LGSN: variants seen among roughly 807,000 people sequenced by gnomAD.
The protein encoded by LGSN is lengsin, lens protein with glutamine synthetase domain.
Under a neutral mutation model 19.5 loss-of-function variants are expected in LGSN, and 21 were observed. The ratio of observed to expected loss-of-function variants is 1.07; its 90% CI spans 0.76 to 1.55. The LOEUF is 1.55. Ranked by LOEUF, LGSN falls within the 40% of genes most tolerant of loss-of-function variation. LGSN has a pLI of 0.00. For synonymous variants in LGSN, 257 were observed against 215.6 expected (o/e 1.19, Z -1.68); for missense variants, 673 against 608.5 (o/e 1.11, Z -1.12).
chr6:63,350,203 G>T, the LGSN span, among the ~76,000 whole-genome samples: 5 of 152,282 alleles, frequency 3.3e-5, no homozygotes, highest in African/African-American at 7.2e-5. Flanking sequence ...AAGAAAACTG[G>T]ATTTATAGAG....
the LGSN span, among the ~76,000 whole-genome samples, chr6:63,338,535 A>G: frequency 6.6e-6 from 1 of 152,128 alleles, no homozygotes; most frequent in African/African-American, 2.4e-5. Flanking sequence ...TTTCTGTAGT[A>G]TCAGTCGTAA....
chr6:63,412,529 G>GGAAGGAAAGAAA, the LGSN span, among the ~76,000 whole-genome samples: 29 of 32,406 alleles, frequency 8.9e-4, no homozygotes, highest in South Asian at 2.5e-3. Context: ...AAAGAAAGAA[G>GGAAGGAAAGAAA]GAAAGAAAGA....
the LGSN span, among the ~76,000 whole-genome samples, chr6:63,517,673 A>G: frequency 1.3e-5 from 2 of 152,094 alleles, no homozygotes; most frequent in African/African-American, 4.8e-5. Flanking sequence ...CATATATATG[A>G]CTTTTATATC....
At chr6:63,412,380 G>A in the LGSN span, among the ~76,000 whole-genome samples, 1 of 138,368 alleles carries the variant, frequency 7.2e-6, no homozygotes, top group Non-Finnish European at 1.5e-5. Flanking sequence ...AGGAAAGAAA[G>A]AAAGAGAGAT....
At chr6:63,382,140 T>C in the LGSN span, among the ~76,000 whole-genome samples, 3 of 152,220 alleles carry the variant, frequency 2.0e-5, no homozygotes, top group African/African-American at 7.2e-5. Flanking sequence ...GTATTTCCTC[T>C]ACAAAATGTA....
At chr6:63,557,088 G>A in the LGSN span, among the ~76,000 whole-genome samples, 1 of 152,186 alleles carries the variant, frequency 6.6e-6, no homozygotes, top group Non-Finnish European at 1.5e-5. Flanking sequence ...TAAGCACAGG[G>A]AAATTAATAG....
chr6:63,381,698 G>A, the LGSN span, among the ~76,000 whole-genome samples: 1 of 152,202 alleles, frequency 6.6e-6, no homozygotes, highest in African/African-American at 2.4e-5. Flanking sequence ...AAATGGCCAT[G>A]ATAACTATAA....
chr6:63,422,145 C>T, the LGSN span, among the ~76,000 whole-genome samples: 1 of 152,104 alleles, frequency 6.6e-6, no homozygotes, highest in African/African-American at 2.4e-5. Context: ...CTCACTGCAA[C>T]CTCTACCTCC....
the LGSN span, among the ~76,000 whole-genome samples, chr6:63,517,100 T>A: frequency 6.6e-6 from 1 of 152,228 alleles, no homozygotes; most frequent in Non-Finnish European, 1.5e-5. Flanking sequence ...TGAGATTATG[T>A]GCTAGCTACA....
the LGSN span, among the ~76,000 whole-genome samples, chr6:63,481,305 T>G: frequency 2.0e-5 from 3 of 151,830 alleles, no homozygotes; most frequent in African/African-American, 7.3e-5. Flanking sequence ...TTCACAACTA[T>G]CTAATTCATG....
chr6:63,291,550 C>CT (rs1444792247), intron 2 of LGSN, among the ~76,000 whole-genome samples: 3 of 152,220 alleles, frequency 2.0e-5, no homozygotes, highest in Non-Finnish European at 2.9e-5. Flanking sequence ...CTCTGCCATT[C>CT]TGTTCTCCTG....
intron 1 of LGSN, among the ~76,000 whole-genome samples, chr6:63,302,578 C>G (rs1768225727): frequency 6.6e-6 from 1 of 152,078 alleles, no homozygotes; most frequent in Admixed American, 6.6e-5. Flanking sequence ...TAATTGAATA[C>G]CAAGGAAATA....
the LGSN span, chr6:63,443,397 G>A: frequency 1.9e-5 from 3 of 158,628 alleles, no homozygotes; most frequent in Non-Finnish European, 4.1e-5. Context: ...ACAGTGCAGC[G>A]GTGGGCTGAA....
the LGSN span, among the ~76,000 whole-genome samples, chr6:63,402,237 A>T: frequency 1.3e-5 from 2 of 151,988 alleles, no homozygotes; most frequent in Non-Finnish European, 1.5e-5. Flanking sequence ...TAAATCCTGC[A>T]CTCTTGTGTC....
the LGSN span, among the ~76,000 whole-genome samples, chr6:63,434,240 C>G: frequency 6.7e-6 from 1 of 150,120 alleles, no homozygotes; most frequent in Non-Finnish European, 1.5e-5. Context: ...GGAGTCCGAG[C>G]CCAGCCTGGC....
At chr6:63,472,488 C>T in the LGSN span, among the ~76,000 whole-genome samples, 1 of 152,178 alleles carries the variant, frequency 6.6e-6, no homozygotes, top group Non-Finnish European at 1.5e-5. Flanking sequence ...ACGGAATCTA[C>T]TATCTCTATG....
chr6:63,517,991 A>G, the LGSN span, among the ~76,000 whole-genome samples: 1 of 152,052 alleles, frequency 6.6e-6, no homozygotes, highest in Non-Finnish European at 1.5e-5. Context: ...CATCTCTACT[A>G]AAAATACAAA....
the LGSN span, among the ~76,000 whole-genome samples, chr6:63,400,110 G>A: frequency 9.9e-5 from 15 of 151,970 alleles, no homozygotes; most frequent in East Asian, 9.7e-4. Flanking sequence ...ATTCAGTATC[G>A]TGAAGATGGC....
At chr6:63,412,474 G>GGA in the LGSN span, among the ~76,000 whole-genome samples, 121 of 96,706 alleles carry the variant, frequency 1.3e-3, 2 homozygotes, top group African/African-American at 4.8e-3. Context: ...AAAAGAGAGA[G>GGA]AAGAAAGAGA....
Sources: allele counts gnomAD v4.1 joint callset (sites outside exome capture counted in the v4.1 genomes callset), GRCh38; gene constraint gnomAD v4.1.1; transcripts MANE v1.5; gene names NCBI Gene and HGNC (gene_info 2026-07-23, HGNC 2026-07-21).